IKZF3: variants seen among roughly 807,000 people sequenced by gnomAD.
IKZF3 encodes zinc finger protein Aiolos.
IKZF3 carries 10 observed loss-of-function variants against 49.0 expected under a neutral mutation model. The ratio of observed to expected loss-of-function variants is 0.20; its 90% confidence interval spans 0.13 to 0.35. IKZF3 has a LOEUF of 0.35. Ranked by LOEUF, IKZF3 falls within the 10% of genes least tolerant of loss-of-function variation. The pLI is 1.00. For missense variants in IKZF3, 498 were observed against 664.8 expected (o/e 0.75, Z 2.76); for synonymous variants, 209 against 228.2 (o/e 0.92, Z 0.76).
intron 3 of IKZF3, among the ~76,000 whole-genome samples, chr17:39,822,231 T>C (rs2061828512): frequency 6.6e-6 from 1 of 152,196 alleles, no homozygotes; most frequent in African/African-American, 2.4e-5. Flanking sequence ...ACATTGAATA[T>C]GCCCATTACC....
rs751647578 is a variant in IKZF3, at chr17:39,766,085, C to A, written c.1235G>T (p.Arg412Leu). The change falls in exon 8 of 8, where the codon CGC (arginine) becomes CTC (leucine). Residue 412 changes from arginine to leucine, a missense_variant. Transcript: ENST00000346872. ...CTCCTTCAGAAGTGGCATCCCATTG[C>A]GGGCCCGAGACAGGACCATGTGATT... is the stretch of plus-strand genomic sequence containing the variant. ...QQNHMVLSRA[R>L]NGMPLLKEVP... The A allele has an allele frequency of 6.2e-7, 1 of 1,614,006 alleles. No individual in the cohort carries two copies. The highest frequency in any genetic ancestry group is 1.3e-5 in the African/African-American group (1 of 74,896).
intron 3 of IKZF3, among the ~76,000 whole-genome samples, chr17:39,817,023 A>C (rs2061693489): frequency 6.6e-6 from 1 of 152,186 alleles, no homozygotes; most frequent in South Asian, 2.1e-4. Context: ...CAATATTAAT[A>C]GTTTTTTAAA....
At chr17:39,863,974 C>T (rs2063292510) in intron 1 of IKZF3, 146 bp downstream of exon 1, 3 of 1,082,890 alleles carry the variant, frequency 2.8e-6, no homozygotes, top group South Asian at 1.3e-5. Context: ...AACCGACGCG[C>T]TTTGTCCTCT....
At chr17:39,791,733 GACTT>G (rs1411928654) in intron 4 of IKZF3, 150 bp from the exon 5 acceptor site, 2 of 761,678 alleles carry the variant, frequency 2.6e-6, no homozygotes, top group African/African-American at 1.8e-5. Context: ...GCAAGCCTAA[GACTT>G]ACTTATGAAA....
At chr17:39,776,435 C>T (rs55694693) in intron 7 of IKZF3, among the ~76,000 whole-genome samples, 1 of 152,184 alleles carries the variant, frequency 6.6e-6, no homozygotes, top group Non-Finnish European at 1.5e-5. Flanking sequence ...ATGGAAGTCA[C>T]TACATGCTCC....
At chr17:39,816,234 T>C (rs1054815217) in intron 3 of IKZF3, among the ~76,000 whole-genome samples, 1 of 152,252 alleles carries the variant, frequency 6.6e-6, no homozygotes, top group Non-Finnish European at 1.5e-5. Context: ...ATATCAACTA[T>C]ACATGCATGT....
intron 7 of IKZF3, among the ~76,000 whole-genome samples, chr17:39,775,421 A>C (rs1391853133): frequency 6.6e-6 from 1 of 152,230 alleles, no homozygotes; most frequent in Non-Finnish European, 1.5e-5. Context: ...CAAACAAACG[A>C]AATAGATCCC....
At chr17:39,811,257 GGA>G (rs2061547363) in intron 3 of IKZF3, among the ~76,000 whole-genome samples, 1 of 13,498 alleles carries the variant, frequency 7.4e-5, no homozygotes, top group African/African-American at 2.1e-4. Flanking sequence ...AGAAAGAGAG[GGA>G]GAGAAAGAAA....
intron 4 of IKZF3, 116 bp downstream of exon 4, chr17:39,792,557 C>G (rs1310128451): frequency 3.8e-6 from 4 of 1,051,682 alleles, no homozygotes; most frequent in Non-Finnish European, 5.5e-6. Context: ...AGAGATACAT[C>G]AGCATTATAG....
chr17:39,810,323 C>T (rs1306017331), intron 3 of IKZF3, among the ~76,000 whole-genome samples: 2 of 152,094 alleles, frequency 1.3e-5, no homozygotes, highest in Non-Finnish European at 2.9e-5. Context: ...AATTTTTCAT[C>T]ATGAGTTTAA....
intron 1 of IKZF3, among the ~76,000 whole-genome samples, chr17:39,852,726 C>T (rs906469958): frequency 1.3e-5 from 2 of 152,120 alleles, no homozygotes; most frequent in Non-Finnish European, 2.9e-5. Context: ...GTCTCCAGCA[C>T]TTTGGGAGGC....
At chr17:39,850,727 T>C (rs2062828764) in intron 1 of IKZF3, among the ~76,000 whole-genome samples, 1 of 21,384 alleles carries the variant, frequency 4.7e-5, no homozygotes, top group Non-Finnish European at 9.5e-5. Context: ...TATATATACA[T>C]ATATAATAGG....
chr17:39,787,416 A>T (rs1265598601), intron 6 of IKZF3, among the ~76,000 whole-genome samples: 5 of 152,278 alleles, frequency 3.3e-5, no homozygotes, highest in Non-Finnish European at 7.3e-5. Context: ...ACAATAAATC[A>T]TATGAGTAGA....
intron 2 of IKZF3, among the ~76,000 whole-genome samples, chr17:39,830,841 A>C (rs2062089510): frequency 6.6e-6 from 1 of 152,208 alleles, no homozygotes; most frequent in South Asian, 2.1e-4. Context: ...GCCATGACCA[A>C]ACACACGCGG....
intron 1 of IKZF3, chr17:39,839,254 T>C (rs1419082202): frequency 2.9e-6 from 1 of 339,164 alleles, no homozygotes; most frequent in African/African-American, 2.2e-5. Flanking sequence ...AAAAATATAT[T>C]CCCAATAAAA....
Position 39,864,278 on chromosome 17 carries a change from G to A in IKZF3, c.-152C>T, listed in dbSNP as rs2063300631. 1.2e-6 allele frequency: 1 copy of A among 839,450 alleles called. No individual in the cohort carries two copies. The highest frequency in any genetic ancestry group is 1.8e-5 in the African/African-American group (1 of 54,870). The allele number at this position is 839,450 out of a possible 1,614,324, so 52.0% of individuals were successfully genotyped here. The stretch of plus-strand genomic sequence containing the variant: ...CAGCCGCGTCGGCGCAGACTGAAAA[G>A]GGCAGGAGCCGGCGACCTGCCGGTG... On this transcript the variant is annotated 5_prime_UTR_variant, in exon 1 of 8. Transcript: ENST00000346872.
At chr17:39,851,485 CAG>C (rs1318276524) in intron 1 of IKZF3, among the ~76,000 whole-genome samples, 1 of 152,104 alleles carries the variant, frequency 6.6e-6, no homozygotes, top group Non-Finnish European at 1.5e-5. Context: ...GATCATAAAA[CAG>C]AGTGAACTAC....
chr17:39,845,230 T>C (rs2062595863), intron 1 of IKZF3, among the ~76,000 whole-genome samples: 1 of 152,062 alleles, frequency 6.6e-6, no homozygotes, highest in Non-Finnish European at 1.5e-5. Context: ...ATCAATAAAG[T>C]TTTATTGGAG....
chr17:39,782,623 A>G (rs758454629), intron 6 of IKZF3, among the ~76,000 whole-genome samples: 1 of 152,190 alleles, frequency 6.6e-6, no homozygotes, highest in Non-Finnish European at 1.5e-5. Flanking sequence ...TATCTCAGAA[A>G]TGTAAGTGGA....
Sources: gnomAD v4.1 joint callset for allele counts (sites outside exome capture counted in the v4.1 genomes callset) on GRCh38, gnomAD v4.1.1 for gene constraint, MANE v1.5 for transcripts, NCBI Gene and HGNC (gene_info 2026-07-23, HGNC 2026-07-21) for gene names.